Variants in IVD observed in about 807,000 individuals in gnomAD.
IVD encodes the protein isovaleryl-CoA dehydrogenase, mitochondrial.
In IVD, 31 loss-of-function variants were observed where a neutral mutation model predicts 51.3. That is an observed-to-expected ratio of 0.60 (90% CI 0.45 to 0.81). The LOEUF (loss-of-function observed/expected upper bound fraction) is 0.81. IVD is among the 40% of genes least tolerant of loss of function. The pLI is 0.00. For synonymous variants in IVD, 205 were observed against 219.4 expected (o/e 0.93, Z 0.58); for missense variants, 475 against 552.0 (o/e 0.86, Z 1.40).
chr15:40,406,177 TGAA>T, intron 1 of IVD: 1 of 1,536,134 alleles, frequency 6.5e-7, no homozygotes, highest in South Asian at 1.2e-5. Context: ...GTCTGTGGAG[TGAA>T]GATTTGAGAC....
chr15:40,420,100 C>T lies in IVD; in HGVS notation c.*1837C>T, dbSNP rs1892153103. ...CCTGGGCAACAGAGTGAGACTCTGT[C>T]TCAAAAAATAATAATAAAATAAATG... On this transcript the variant is annotated 3_prime_UTR_variant, in exon 12 of 12. Transcript: ENST00000487418. 2 of 983,212 alleles carry T rather than the reference C, an allele frequency of 2.0e-6. No individual in the cohort carries two copies. The highest frequency in any genetic ancestry group is 1.7e-5 in the African/African-American group (1 of 57,320). The allele number at this position is 983,212 out of a possible 1,614,324, so 60.9% of individuals were successfully genotyped here. A position where few individuals can be genotyped will look rare whatever the true frequency, so the allele number is the denominator to read the frequency against.
chr15:40,433,751 A>G (rs945183352), intron 7 of IVD: 1 of 421,694 alleles, frequency 2.4e-6, no homozygotes, highest in African/African-American at 2.0e-5. Context: ...ACCAAGCATT[A>G]TTAGGCAACT....
At chr15:40,407,822 GCCTC>G in intron 2 of IVD, 97 bp downstream of exon 2, 5 of 1,454,074 alleles carry the variant, frequency 3.4e-6, no homozygotes, top group Non-Finnish European at 4.8e-6. Flanking sequence ...GGTAAATGAA[GCCTC>G]TCTAAGAATG....
rs913612346 is a variant in IVD at position 40,406,160 on chromosome 15, G to A, written c.144+189G>A. 1.1e-5 allele frequency: 17 copies of A among 1,538,996 alleles called. No homozygotes were observed. The African/African-American group carries it at 1.9e-4, about 17-fold the overall frequency. ...CCTCGGGTCCAGTCCTCTGACCTCG[G>A]CCTCACGTCTGTGGAGTGAAGATTT... On this transcript the variant is annotated intron_variant, in intron 1 of 11. Coordinates refer to ENST00000487418, the MANE Select transcript of IVD (RefSeq NM_002225.5).
At chr15:40,413,476 GA>G (rs1028422102) in intron 7 of IVD, among the ~76,000 whole-genome samples, 1 of 150,140 alleles carries the variant, frequency 6.7e-6, no homozygotes, top group African/African-American at 2.4e-5. Context: ...ATGATGCTAA[GA>G]AAAAAAAACA....
At chr15:40,427,422 C>T (rs1005756499), downstream of IVD, among the ~76,000 whole-genome samples, 3 of 152,216 alleles carry the variant, frequency 2.0e-5, no homozygotes, top group Admixed American at 6.5e-5. Context: ...ATAAGCCCAG[C>T]GCTGGGGGCT....
chr15:40,406,174 G>T (rs986118112), intron 1 of IVD: 8 of 1,538,024 alleles, frequency 5.2e-6, no homozygotes, highest in Non-Finnish European at 7.0e-6. Context: ...CACGTCTGTG[G>T]AGTGAAGATT....
At chr15:40,418,047 T>C in intron 11 of IVD, 83 bp from the exon 12 acceptor site, 2 of 1,589,760 alleles carry the variant, frequency 1.3e-6, no homozygotes, top group African/African-American at 2.7e-5. Context: ...TCCTGTGGCC[T>C]GTTTCTATAT....
chr15:40,406,808 AG>A (rs1279371609), intron 1 of IVD, among the ~76,000 whole-genome samples: 1 of 151,820 alleles, frequency 6.6e-6, no homozygotes, highest in Non-Finnish European at 1.5e-5. Flanking sequence ...TCAAGTGGAA[AG>A]GGTTCAATCC....
chr15:40,410,477 C>T (rs2141321932), intron 3 of IVD, 151 bp from the exon 4 acceptor site: 1 of 895,496 alleles, frequency 1.1e-6, no homozygotes, highest in East Asian at 2.6e-5. Context: ...GTAAGCAGGT[C>T]TGTGGCATCA....
At chr15:40,406,677 C>T (rs958886112) in intron 1 of IVD, among the ~76,000 whole-genome samples, 1 of 152,134 alleles carries the variant, frequency 6.6e-6, no homozygotes, top group African/African-American at 2.4e-5. Flanking sequence ...TGGAGCAGAA[C>T]CAGAGTCCTT....
rs536728525 is a variant in IVD at position 40,418,386 on chromosome 15, G to A, written c.*123G>A. 23 of 1,586,956 alleles carry A rather than the reference G, an allele frequency of 1.4e-5. No homozygotes were observed. The African/African-American group carries it at 3.1e-4, about 21-fold the overall frequency. ...GCCCAGCTGCTCTTGTCAGCCCTCT[G>A]GCCTCTGGATGAGGTTGAGTTCTCC... On this transcript the variant is annotated 3_prime_UTR_variant, in exon 12 of 12. Coordinates refer to ENST00000487418, the MANE Select transcript of IVD (RefSeq NM_002225.5).
intron 7 of IVD, among the ~76,000 whole-genome samples, chr15:40,433,401 C>T (rs184269784): frequency 3.9e-4 from 60 of 152,296 alleles, no homozygotes; most frequent in Non-Finnish European, 6.9e-4. Context: ...GACCTCCTGC[C>T]GGCTTTGGAG....
chr15:40,406,223 G>T, intron 1 of IVD: 1 of 1,511,370 alleles, frequency 6.6e-7, no homozygotes. Flanking sequence ...TAGAGAGGAG[G>T]AGTCGAGGCT....
chr15:40,420,831 A>G lies in IVD; in HGVS notation c.*2568A>G. 1 of 985,556 alleles carries G rather than the reference A, an allele frequency of 1.0e-6. No individual in the cohort carries two copies. The highest frequency in any genetic ancestry group is 4.7e-5 in the South Asian group (1 of 21,294). The allele number at this position is 985,556 out of a possible 1,614,324, so 61.1% of individuals were successfully genotyped here. On this transcript the variant is annotated 3_prime_UTR_variant, in exon 12 of 12. Coordinates refer to ENST00000487418, the MANE Select transcript of IVD (RefSeq NM_002225.5). ...ATTCCAGCTTTGGGCCGCACTGTACAGCAGTCTGGATAGAGTGTGATCTGA... is the reference window on the plus strand; with the variant it reads ...ATTCCAGCTTTGGGCCGCACTGTACGGCAGTCTGGATAGAGTGTGATCTGA...
rs374797902 is a variant in IVD, at chr15:40,407,730, G to A, written c.234+5G>A. 2 of 1,613,480 alleles carry A rather than the reference G, an allele frequency of 1.2e-6. No individual in the cohort carries two copies. Among genetic ancestry groups the A allele is most frequent in the Non-Finnish European group, 1.7e-6 (2 of 1,179,538 alleles). On this transcript the variant is annotated splice_donor_5th_base_variant and intron_variant, in intron 2 of 11. Coordinates refer to ENST00000487418, the MANE Select transcript of IVD (RefSeq NM_002225.5). Reference sequence around the variant, plus strand: ...AATGAGTTCAAGAACCTGCGAGTGAGTTGGGAGGTCCGGGCAGTCGGGGGC... The same window carrying A: ...AATGAGTTCAAGAACCTGCGAGTGAATTGGGAGGTCCGGGCAGTCGGGGGC...
chr15:40,430,748 T>A (rs895370443), intron 7 of IVD, among the ~76,000 whole-genome samples: 34 of 152,028 alleles, frequency 2.2e-4, no homozygotes, highest in African/African-American at 7.5e-4. Flanking sequence ...AGTGGAAACA[T>A]TGGGAGAACA....
chr15:40,422,585 C>CTTTTTTTTTTTTTTT (rs1157351420), downstream of IVD, among the ~76,000 whole-genome samples: 120 of 69,136 alleles, frequency 1.7e-3, 17 homozygotes, highest in Middle Eastern at 0.01. Context: ...GCCCGGCCGA[C>CTTTTTTTTTTTTTTT]TTTTTTTTTT....
At chr15:40,425,440 C>CTATATATATATATATATATATATATATA (rs72252183), downstream of IVD, among the ~76,000 whole-genome samples, 55 of 137,818 alleles carry the variant, frequency 4.0e-4, no homozygotes, top group African/African-American at 1.6e-3. Flanking sequence ...TGGACTCATA[C>CTATATATATATATATATATATATATATA]TATATATATA....
Sources: gnomAD v4.1 joint callset for allele counts (sites outside exome capture counted in the v4.1 genomes callset) on GRCh38, gnomAD v4.1.1 for gene constraint, MANE v1.5 for transcripts, NCBI Gene and HGNC (gene_info 2026-07-23, HGNC 2026-07-21) for gene names.